Variants in PAH observed in about 807,000 individuals in gnomAD.
The protein encoded by PAH is phenylalanine hydroxylase.
Under a neutral mutation model 62.0 loss-of-function variants are expected in PAH, and 64 were observed. The observed-to-expected ratio is 1.03, with a 90% CI of 0.84 to 1.27. PAH has a LOEUF of 1.27. Among genes scored for constraint, PAH ranks in the 50% most tolerant of loss-of-function variants. The pLI is 0.00. For missense variants in PAH, 579 were observed against 542.8 expected, an observed-to-expected ratio of 1.07 and a Z score of -0.66; for synonymous variants, 195 against 196.2, an observed-to-expected ratio of 0.99 and a Z score of 0.05.
chr12:102,938,072 G>A (rs779656940), intron 1 of PAH, among the ~76,000 whole-genome samples: 3 of 152,178 alleles, frequency 2.0e-5, no homozygotes, highest in Non-Finnish European at 4.4e-5. Context: ...CCTTAGTACT[G>A]CTCTTCGACA....
chr12:102,887,526 G>T (rs138434811), intron 3 of PAH, among the ~76,000 whole-genome samples: 107 of 152,194 alleles, frequency 7.0e-4, no homozygotes, highest in Non-Finnish European at 1.4e-3. Context: ...AGCTGGTGGT[G>T]ACAAGTGACC....
intron 12 of PAH, 138 bp from the exon 13 acceptor site, chr12:102,839,356 C>T: frequency 1.3e-6 from 1 of 771,602 alleles, no homozygotes; most frequent in African/African-American, 1.7e-5. Flanking sequence ...AAGGAGCTTA[C>T]AGCCTCATTA....
intron 2 of PAH, among the ~76,000 whole-genome samples, chr12:102,899,048 A>G (rs572426481): frequency 1.3e-5 from 2 of 152,340 alleles, no homozygotes; most frequent in South Asian, 4.1e-4. Flanking sequence ...AGATATAGAT[A>G]GATCTGAAGC....
chr12:102,872,777 G>T (rs556513366), intron 4 of PAH, among the ~76,000 whole-genome samples: 1 of 152,162 alleles, frequency 6.6e-6, no homozygotes. Flanking sequence ...AGACCAGCTT[G>T]GCCAACATGA....
chr12:102,939,146 A>G (rs527797388), intron 1 of PAH, among the ~76,000 whole-genome samples: 1 of 152,050 alleles, frequency 6.6e-6, no homozygotes, highest in South Asian at 2.1e-4. Context: ...TTGGGCCTGC[A>G]GAGTAACTAT....
intron 1 of PAH, among the ~76,000 whole-genome samples, chr12:102,923,026 T>C (rs1327572139): frequency 1.3e-5 from 2 of 152,228 alleles, no homozygotes; most frequent in East Asian, 1.9e-4. Context: ...ACTTTCCCTA[T>C]AGTTTTCAAC....
chr12:102,930,083 T>A lies in PAH; in HGVS notation c.-95-12858A>T, dbSNP rs549223106. On this transcript the variant is annotated intron_variant, in intron 1 of 3. Transcript: ENST00000546844. ...TTACAGAGTATTTTCAAATACATTA[T>A]CTGTAAGGTATAGATTGCTAACCCC... 3.3e-5 allele frequency among the ~76,000 whole-genome samples: 5 copies of A among 152,338 alleles called. No homozygotes were observed. In the East Asian group the frequency reaches 9.6e-4, roughly 29 times the overall value.
upstream of PAH, among the ~76,000 whole-genome samples, chr12:102,952,625 G>T (rs140030189): frequency 6.6e-6 from 1 of 152,212 alleles, no homozygotes; most frequent in Non-Finnish European, 1.5e-5. Context: ...AAGACTTAGC[G>T]TTACTTCTCC....
chr12:102,872,508 T>G (rs1272976044), intron 4 of PAH, among the ~76,000 whole-genome samples: 1 of 152,222 alleles, frequency 6.6e-6, no homozygotes, highest in African/African-American at 2.4e-5. Flanking sequence ...GACTGACTCT[T>G]AGAAGGAACT....
At chr12:102,918,274 G>C (rs1878461222), upstream of PAH, among the ~76,000 whole-genome samples, 1 of 152,112 alleles carries the variant, frequency 6.6e-6, no homozygotes, top group South Asian at 2.1e-4. Flanking sequence ...AAGAATGCTG[G>C]AAAGCAGGTT....
At chr12:102,853,639 C>A (rs919703591) in intron 6 of PAH, among the ~76,000 whole-genome samples, 1 of 152,212 alleles carries the variant, frequency 6.6e-6, no homozygotes, top group African/African-American at 2.4e-5. Context: ...GTGTGCATAT[C>A]TATATCACAT....
At chr12:102,880,998 T>C (rs959921654) in intron 3 of PAH, among the ~76,000 whole-genome samples, 17 of 149,996 alleles carry the variant, frequency 1.1e-4, no homozygotes, top group African/African-American at 4.1e-4. Flanking sequence ...ATATTGCATA[T>C]ATTTTATTAT....
At chr12:102,898,579 G>C (rs1368886355) in intron 2 of PAH, among the ~76,000 whole-genome samples, 2 of 152,162 alleles carry the variant, frequency 1.3e-5, no homozygotes, top group Non-Finnish European at 2.9e-5. Context: ...AGGTTCAAAA[G>C]AACTGTAGTG....
chr12:102,922,621 TTCATCAG>T (rs1221886783), intron 1 of PAH, among the ~76,000 whole-genome samples: 1 of 152,212 alleles, frequency 6.6e-6, no homozygotes, highest in African/African-American at 2.4e-5. Context: ...CGTAATTTAT[TTCATCAG>T]TACTCTGTTG....
At position 102,840,349 on chromosome 12, in the gene PAH, G is replaced by A. The variant is rs544886615; in HGVS notation, c.1315+51C>T. 1.0e-4 allele frequency: 108 copies of A among 1,069,614 alleles called. No individual in the cohort carries two copies. In the East Asian group the frequency reaches 2.4e-3, roughly 24 times the overall value. The allele number at this position is 1,069,614 out of a possible 1,614,324, so 66.3% of individuals were successfully genotyped here. ...CCTATGGCGATGGTAGGGAAAGACA[G>A]TCTTCGATTACTGAGAAACCGAGTG... On this transcript the variant is annotated intron_variant, in intron 12 of 12. Transcript: ENST00000553106.
chr12:102,840,038 T>C (rs1874516607), intron 12 of PAH, among the ~76,000 whole-genome samples: 1 of 152,164 alleles, frequency 6.6e-6, no homozygotes. Flanking sequence ...GATGAGCCAC[T>C]GGACAGCTTA....
At chr12:102,922,468 A>G (rs937731215) in intron 1 of PAH, among the ~76,000 whole-genome samples, 6 of 152,228 alleles carry the variant, frequency 3.9e-5, no homozygotes, top group Non-Finnish European at 1.5e-5. Flanking sequence ...CTGGGATTAC[A>G]GGCGTGAGTC....
intron 9 of PAH, among the ~76,000 whole-genome samples, chr12:102,844,791 C>T (rs922431667): frequency 2.0e-5 from 3 of 152,182 alleles, no homozygotes; most frequent in Non-Finnish European, 4.4e-5. Context: ...CACCCAACCA[C>T]CACCCAGGGG....
intron 11 of PAH, 63 bp downstream of exon 11, chr12:102,843,583 C>T (rs1258025978): frequency 6.3e-7 from 1 of 1,587,748 alleles, no homozygotes; most frequent in Non-Finnish European, 8.6e-7. Flanking sequence ...CAACCACCCA[C>T]AGATGAGTGG....
Sources: allele counts gnomAD v4.1 joint callset (sites outside exome capture counted in the v4.1 genomes callset), GRCh38; gene constraint gnomAD v4.1.1; transcripts MANE v1.5; gene names NCBI Gene and HGNC (gene_info 2026-07-23, HGNC 2026-07-21).